The following TENM3 variants were observed in gnomAD, a reference collection of about 807,000 sequenced individuals.
TENM3 encodes the protein teneurin transmembrane protein 3.
Under a neutral mutation model 255.1 loss-of-function variants are expected in TENM3, and 63 were observed. The ratio of observed to expected loss-of-function variants is 0.25; its 90% confidence interval spans 0.20 to 0.30. The LOEUF is 0.30. Ranked by LOEUF, TENM3 falls within the 10% of genes least tolerant of loss-of-function variation. TENM3 has a pLI of 1.00. For missense variants in TENM3, 2,929 were observed against 3,461.1 expected (o/e 0.85, Z 3.86); for synonymous variants, 1,306 against 1,322.3 (o/e 0.99, Z 0.27).
the TENM3 span, among the ~76,000 whole-genome samples, chr4:181,909,567 T>G: frequency 6.6e-6 from 1 of 152,164 alleles, no homozygotes; most frequent in East Asian, 1.9e-4. Context: ...CACATGCTCA[T>G]TGCCTCAGCA....
At chr4:181,929,962 T>C in the TENM3 span, among the ~76,000 whole-genome samples, 28 of 151,992 alleles carry the variant, frequency 1.8e-4, 1 homozygote, top group East Asian at 2.9e-3. Flanking sequence ...AGAAATAAGT[T>C]ATTCGAAACG....
chr4:182,449,592 T>A (rs2151309120), intron 3 of TENM3, among the ~76,000 whole-genome samples: 1 of 152,342 alleles, frequency 6.6e-6, no homozygotes, highest in Middle Eastern at 3.4e-3. Context: ...GGATAATTTA[T>A]GTCTGAAATG....
chr4:182,561,577 T>A (rs913917828), intron 3 of TENM3, among the ~76,000 whole-genome samples: 31 of 152,204 alleles, frequency 2.0e-4, no homozygotes, highest in Middle Eastern at 3.4e-3. Context: ...GCACTGAAAG[T>A]GTAATATTTT....
the TENM3 span, among the ~76,000 whole-genome samples, chr4:181,802,363 A>G: frequency 6.6e-6 from 1 of 152,190 alleles, no homozygotes; most frequent in South Asian, 2.1e-4. Context: ...CTTTTCACTC[A>G]ATGGAATCCG....
At chr4:182,601,214 C>A (rs1747817830) in intron 4 of TENM3, 53 bp downstream of exon 4, 1 of 1,387,114 alleles carries the variant, frequency 7.2e-7, no homozygotes, top group Non-Finnish European at 1.0e-6. Flanking sequence ...TCACCAGGAG[C>A]AATTTACTAT....
chr4:181,882,077 T>C, the TENM3 span, among the ~76,000 whole-genome samples: 1 of 152,104 alleles, frequency 6.6e-6, no homozygotes, highest in African/African-American at 2.4e-5. Context: ...AGTTCAAGGT[T>C]TTAGTAAAAA....
At chr4:181,753,885 C>G in the TENM3 span, among the ~76,000 whole-genome samples, 1 of 152,116 alleles carries the variant, frequency 6.6e-6, no homozygotes, top group East Asian at 1.9e-4. Flanking sequence ...AGTCTGTATT[C>G]GTCAAAATGA....
chr4:182,289,754 GGCAGAACCCTGGCCTTGTAGAA>G (rs1262140670), intron 1 of TENM3, among the ~76,000 whole-genome samples: 7 of 152,126 alleles, frequency 4.6e-5, no homozygotes, highest in Non-Finnish European at 8.8e-5. Flanking sequence ...AAATGAAGCA[GGCAGAACCCTGGCCTTGTAGAA>G]GTTGAATTTA....
At chr4:182,307,728 G>A (rs930094824) in intron 1 of TENM3, among the ~76,000 whole-genome samples, 2 of 152,194 alleles carry the variant, frequency 1.3e-5, no homozygotes, top group African/African-American at 2.4e-5. Flanking sequence ...TTGAGGAAAC[G>A]TAGACCAAAT....
At chr4:182,708,957 A>G (rs1431544917) in intron 12 of TENM3, among the ~76,000 whole-genome samples, 2 of 151,668 alleles carry the variant, frequency 1.3e-5, no homozygotes, top group South Asian at 2.1e-4. Flanking sequence ...ACATTTTACT[A>G]GAAAGCAGTG....
chr4:181,614,714 T>G, the TENM3 span, among the ~76,000 whole-genome samples: 4 of 152,194 alleles, frequency 2.6e-5, no homozygotes, highest in African/African-American at 9.7e-5. Flanking sequence ...CTCCCAGACT[T>G]CTATGGGCGA....
At chr4:182,256,563 G>T (rs1349547887) in intron 1 of TENM3, among the ~76,000 whole-genome samples, 1 of 152,170 alleles carries the variant, frequency 6.6e-6, no homozygotes. Context: ...TATAGTCCGT[G>T]AAGAATCTCA....
intron 24 of TENM3, among the ~76,000 whole-genome samples, chr4:182,788,113 G>C (rs906432839): frequency 6.6e-6 from 1 of 152,120 alleles, no homozygotes; most frequent in Non-Finnish European, 1.5e-5. Context: ...CTAGAATATG[G>C]TTATGTAAAA....
chr4:181,546,596 C>G, the TENM3 span, among the ~76,000 whole-genome samples: 1 of 141,946 alleles, frequency 7.0e-6, no homozygotes, highest in Non-Finnish European at 1.5e-5. Context: ...CGCCTGTAGT[C>G]CCAGCTACTC....
chr4:181,836,036 T>C, the TENM3 span, among the ~76,000 whole-genome samples: 1 of 152,158 alleles, frequency 6.6e-6, no homozygotes, highest in Non-Finnish European at 1.5e-5. Context: ...ACATCTCTGC[T>C]CATTGCAGCC....
At chr4:181,984,955 T>C in the TENM3 span, among the ~76,000 whole-genome samples, 7 of 151,936 alleles carry the variant, frequency 4.6e-5, no homozygotes, top group African/African-American at 1.4e-4. Flanking sequence ...CAAATTATAC[T>C]GGGAAAGAAT....
chr4:181,697,003 A>G, the TENM3 span, among the ~76,000 whole-genome samples: 1 of 152,320 alleles, frequency 6.6e-6, no homozygotes, highest in East Asian at 1.9e-4. Context: ...TTGTTGTTAC[A>G]AATTGTCTGG....
chr4:181,924,548 C>T, the TENM3 span, among the ~76,000 whole-genome samples: 1 of 152,200 alleles, frequency 6.6e-6, no homozygotes, highest in African/African-American at 2.4e-5. Flanking sequence ...TGCTACTAGT[C>T]TAATCATTCC....
the TENM3 span, among the ~76,000 whole-genome samples, chr4:182,104,292 G>C: frequency 0.12 from 18,047 of 151,834 alleles, 1,126 homozygotes; most frequent in South Asian, 0.18. Context: ...GCGAGACCAG[G>C]TGCTTATTAT....
Sources: gnomAD v4.1 joint callset for allele counts (sites outside exome capture counted in the v4.1 genomes callset) on GRCh38, gnomAD v4.1.1 for gene constraint, MANE v1.5 for transcripts, NCBI Gene and HGNC (gene_info 2026-07-23, HGNC 2026-07-21) for gene names.